Variants in SLC47A2 observed in about 807,000 individuals in gnomAD.
SLC47A2 encodes the protein solute carrier family 47 member 2.
A neutral mutation model predicts 67.7 loss-of-function variants in SLC47A2; 52 were observed. That is an observed-to-expected ratio of 0.77 (90% CI 0.61 to 0.97). The LOEUF (loss-of-function observed/expected upper bound fraction) is 0.97. SLC47A2 is among the 50% of genes least tolerant of loss of function. The probability of loss-of-function intolerance (pLI) is 0.00; values close to 1 mark genes in which losing one functional copy is unlikely to be tolerated. For missense variants in SLC47A2, 676 were observed against 712.3 expected, an observed-to-expected ratio of 0.95 and a Z score of 0.58; for synonymous variants, 278 against 292.9, an observed-to-expected ratio of 0.95 and a Z score of 0.52.
At chr17:19,711,412 T>C (rs146288641) in intron 5 of SLC47A2, among the ~76,000 whole-genome samples, 3,536 of 150,080 alleles carry the variant, frequency 0.024, 127 homozygotes, top group African/African-American at 0.079. Context: ...ACCAATATGG[T>C]GAAACCCTGT....
chr17:19,700,603 T>C (rs1478302240), intron 13 of SLC47A2, among the ~76,000 whole-genome samples: 1 of 151,718 alleles, frequency 6.6e-6, no homozygotes, highest in Non-Finnish European at 1.5e-5. Flanking sequence ...TCTACAAAAC[T>C]TTAAAAAGAA....
At chr17:19,696,873 G>A (rs890078632) in intron 13 of SLC47A2, among the ~76,000 whole-genome samples, 9 of 152,326 alleles carry the variant, frequency 5.9e-5, no homozygotes, top group African/African-American at 2.2e-4. Context: ...CATCTGTTGA[G>A]GGCCTTCTTG....
intron 15 of SLC47A2, 78 bp from the exon 16 acceptor site, chr17:19,680,117 G>T: frequency 7.1e-7 from 1 of 1,403,382 alleles, no homozygotes; most frequent in Non-Finnish European, 9.8e-7. Flanking sequence ...CGCATTCTCT[G>T]TTTTTAAAAC....
chr17:19,709,075 C>T (rs2086027670), intron 5 of SLC47A2, among the ~76,000 whole-genome samples: 2 of 152,266 alleles, frequency 1.3e-5, no homozygotes, highest in African/African-American at 4.8e-5. Flanking sequence ...CTTCCGGCTG[C>T]TAAGCCAGGC....
At chr17:19,681,001 C>G (rs550016782) in intron 15 of SLC47A2, among the ~76,000 whole-genome samples, 1 of 152,158 alleles carries the variant, frequency 6.6e-6, no homozygotes, top group South Asian at 2.1e-4. Context: ...ATCACGAGGT[C>G]AGGAGATCGA....
chr17:19,702,770 C>G (rs2085820613), intron 12 of SLC47A2, 96 bp from the exon 13 acceptor site: 1 of 1,383,924 alleles, frequency 7.2e-7, no homozygotes, highest in Non-Finnish European at 1.0e-6. Context: ...CAAGAAAAAG[C>G]TTTGGAATAG....
intron 13 of SLC47A2, among the ~76,000 whole-genome samples, chr17:19,686,557 C>T (rs1331634741): frequency 6.6e-6 from 1 of 152,126 alleles, no homozygotes; most frequent in Non-Finnish European, 1.5e-5. Flanking sequence ...CTACAAGATG[C>T]ACACTTCACC....
chr17:19,683,957 G>A lies in SLC47A2; in HGVS notation c.1165-2287C>T, dbSNP rs148114697. ...GCTGTACATTGTAGAGGAGACAGGAGTCACAGAATCAGTCTAAGCAAGTTA... is the reference window on the plus strand; with the variant it reads ...GCTGTACATTGTAGAGGAGACAGGAATCACAGAATCAGTCTAAGCAAGTTA... On this transcript the variant is annotated intron_variant, in intron 13 of 16. Transcript: ENST00000433844. Among the ~76,000 whole-genome samples, 203 of 152,318 alleles carry A rather than the reference G, an allele frequency of 1.3e-3. 1 individual carries two copies. The highest frequency in any genetic ancestry group is 4.6e-3 in the African/African-American group (192 of 41,574).
upstream of SLC47A2, chr17:19,718,165 G>T (rs563481302): frequency 2.6e-5 from 4 of 152,364 alleles, no homozygotes; most frequent in Non-Finnish European, 4.4e-5. Context: ...CTGGGCCTGG[G>T]GTCTCTGTTA....
intron 4 of SLC47A2, among the ~76,000 whole-genome samples, 187 bp from the exon 5 acceptor site, chr17:19,712,932 A>G (rs9897570): frequency 0.36 from 54,478 of 152,032 alleles, 10,157 homozygotes; most frequent in East Asian, 0.49. Flanking sequence ...GGCAGCCGAA[A>G]CACCCAAACA....
At chr17:19,682,362 CACAA>C (rs200056302) in intron 13 of SLC47A2, among the ~76,000 whole-genome samples, 55 of 150,762 alleles carry the variant, frequency 3.6e-4, no homozygotes, top group African/African-American at 1.2e-3. Flanking sequence ...CACACACACA[CACAA>C]ATTTATTATT....
At chr17:19,714,647 G>C (rs1020983828) in intron 3 of SLC47A2, 74 bp downstream of exon 3, 43 of 1,570,466 alleles carry the variant, frequency 2.7e-5, no homozygotes, top group African/African-American at 5.4e-5. Flanking sequence ...CCTCCCACCT[G>C]CCATCTCCAT....
At chr17:19,706,553 C>A in intron 9 of SLC47A2, 95 bp downstream of exon 9, 1 of 1,024,394 alleles carries the variant, frequency 9.8e-7, no homozygotes, top group African/African-American at 1.7e-5. Flanking sequence ...GGGGAGGGGG[C>A]TTCTGGGATG....
In SLC47A2 at chr17:19,716,491, A is replaced by T; in HGVS notation, c.65T>A (p.Leu22Gln). ...CTCAGTCCCAAAGCCTCTGGGAACC[A>T]GCCTGCTGAGGGCAGGGCAGCAGCC... Reference protein sequence around the residue: ...HGGCCPALSRLVPRGFGTEMW... With the variant: ...HGGCCPALSRQVPRGFGTEMW... Residue 22 changes from leucine (L) to glutamine (Q), a missense_variant, in exon 1 of 17, where the codon CTG becomes CAG. Transcript: ENST00000433844. The T allele has an allele frequency of 1.2e-6, 2 of 1,612,896 alleles. No homozygotes were observed. Among genetic ancestry groups the T allele is most frequent in the Non-Finnish European group, 1.7e-6 (2 of 1,179,600 alleles).
At chr17:19,694,187 C>T (rs1001844919) in intron 13 of SLC47A2, among the ~76,000 whole-genome samples, 2 of 152,160 alleles carry the variant, frequency 1.3e-5, no homozygotes, top group African/African-American at 2.4e-5. Context: ...GTTAAGATGA[C>T]AGTTCTGTCC....
intron 3 of SLC47A2, 97 bp from the exon 4 acceptor site, chr17:19,714,070 T>A: frequency 6.7e-7 from 1 of 1,482,416 alleles, no homozygotes; most frequent in Non-Finnish European, 9.0e-7. Context: ...CAGCGGTGTG[T>A]GGCGGACCCG....
At position 19,678,453 on chromosome 17, in the gene SLC47A2, G is replaced by A. The variant is rs112727278; in HGVS notation, c.*233C>T. 3.4e-3 allele frequency: 1,913 copies of A among 568,116 alleles called. 31 individuals carry two copies. Among genetic ancestry groups the A allele is most frequent in the African/African-American group, 0.031 (1,638 of 53,492 alleles). 35.2% of individuals were successfully genotyped at this position (568,116 alleles called of 1,614,324 possible). ...CTCGTGCAGTTGGCTGATGTCTTCT[G>A]TAGAGCAGTCCAAGTCACAGAAGAA... On this transcript the variant is annotated 3_prime_UTR_variant, in exon 17 of 17. Coordinates refer to ENST00000433844, the MANE Select transcript of SLC47A2 (RefSeq NM_001099646.3).
rs141545370 is a variant in SLC47A2, at chr17:19,708,310, C to G, written c.621G>C (p.Leu207=). The change falls in exon 7 of 17, where the codon CTG becomes CTC. Residue 207 remains leucine (L), a synonymous_variant. Coordinates refer to ENST00000433844, the MANE Select transcript of SLC47A2 (RefSeq NM_001099646.3). ...CCAGCCCCCGGGCTCACCTGACCCC[C>G]AGGTTCAGCACAGAAACCAGGGCAT... ...ANYALVSVLN[L]GVRGSAYANI... is the part of the protein sequence containing the mutation. 6.2e-7 allele frequency: 1 copy of G among 1,612,748 alleles called. No individual in the cohort carries two copies. Among genetic ancestry groups the G allele is most frequent in the Non-Finnish European group, 8.5e-7 (1 of 1,180,018 alleles).
At chr17:19,687,620 AAAAAG>A (rs2085456245) in intron 13 of SLC47A2, among the ~76,000 whole-genome samples, 3 of 152,158 alleles carry the variant, frequency 2.0e-5, no homozygotes, top group Admixed American at 2.0e-4. Context: ...GATGAAGAAA[AAAAAG>A]AGAAAAGATC....
Sources: allele counts gnomAD v4.1 joint callset (sites outside exome capture counted in the v4.1 genomes callset), GRCh38; gene constraint gnomAD v4.1.1; transcripts MANE v1.5; gene names NCBI Gene and HGNC (gene_info 2026-07-23, HGNC 2026-07-21).